The following PIP5K1B variants were observed in gnomAD, a reference collection of about 807,000 sequenced individuals.
The protein encoded by PIP5K1B is phosphatidylinositol 4-phosphate 5-kinase type-1 beta.
A neutral mutation model predicts 67.0 loss-of-function variants in PIP5K1B; 42 were observed. The observed-to-expected ratio is 0.63, with a 90% CI of 0.49 to 0.81. PIP5K1B has a LOEUF of 0.81. Among genes scored for constraint, PIP5K1B ranks in the 30% least tolerant of loss-of-function variants. The probability of loss-of-function intolerance (pLI) is 0.00; values close to 1 mark genes in which losing one functional copy is unlikely to be tolerated. For synonymous variants in PIP5K1B, 214 were observed against 231.4 expected, an observed-to-expected ratio of 0.92 and a Z score of 0.68; for missense variants, 459 against 646.3, an observed-to-expected ratio of 0.71 and a Z score of 3.14.
At chr9:68,750,594 C>T (rs1829575193) in intron 2 of PIP5K1B, among the ~76,000 whole-genome samples, 1 of 152,220 alleles carries the variant, frequency 6.6e-6, no homozygotes, top group Non-Finnish European at 1.5e-5. Flanking sequence ...GGAACGTGCT[C>T]CAACTGTGAC....
intron 2 of PIP5K1B, among the ~76,000 whole-genome samples, chr9:68,799,732 A>G (rs1487012173): frequency 1.3e-5 from 2 of 152,220 alleles, no homozygotes; most frequent in African/African-American, 4.8e-5. Flanking sequence ...CGCAAAACCA[A>G]CTCAAGATGG....
intron 6 of PIP5K1B, among the ~76,000 whole-genome samples, chr9:68,887,611 G>T (rs553680368): frequency 6.6e-6 from 1 of 152,222 alleles, no homozygotes; most frequent in Non-Finnish European, 1.5e-5. Flanking sequence ...GAAGAGATTT[G>T]CATTTTAGAA....
At chr9:68,899,094 A>C (rs987525504) in intron 8 of PIP5K1B, among the ~76,000 whole-genome samples, 2 of 152,074 alleles carry the variant, frequency 1.3e-5, no homozygotes, top group Non-Finnish European at 2.9e-5. Flanking sequence ...CTCTCCTCTG[A>C]TACAGATCCC....
At chr9:68,893,374 C>T (rs1360292925) in intron 7 of PIP5K1B, among the ~76,000 whole-genome samples, 2 of 135,518 alleles carry the variant, frequency 1.5e-5, no homozygotes, top group Middle Eastern at 5.4e-3. Flanking sequence ...CGCTCTGTCA[C>T]CCCGGCTGGA....
chr9:68,942,538 GT>G (rs929442929), intron 14 of PIP5K1B, among the ~76,000 whole-genome samples: 2 of 152,072 alleles, frequency 1.3e-5, no homozygotes, highest in African/African-American at 4.8e-5. Flanking sequence ...TATTCATAAG[GT>G]TTTCCCGGGG....
At chr9:68,723,588 G>A (rs1827995844) in intron 1 of PIP5K1B, among the ~76,000 whole-genome samples, 1 of 150,924 alleles carries the variant, frequency 6.6e-6, no homozygotes, top group African/African-American at 2.4e-5. Context: ...TCTCCCTGAT[G>A]ATTAGTGATG....
At chr9:68,972,695 A>C (rs535971814) in intron 14 of PIP5K1B, among the ~76,000 whole-genome samples, 24 of 152,314 alleles carry the variant, frequency 1.6e-4, no homozygotes, top group African/African-American at 4.8e-4. Context: ...ATATGTGCAC[A>C]TGGGTTTTTT....
In PIP5K1B at chr9:68,953,671, G is replaced by A. The variant is rs13295404; in HGVS notation, c.1502+12881G>A. Among the ~76,000 whole-genome samples the A allele has an allele frequency of 7.7e-3, 1,173 of 151,994 alleles. 8 individuals carry two copies. The highest frequency in any genetic ancestry group is 0.012 in the Non-Finnish European group (823 of 67,968). ...ATCCCTACAAAAAAAATTAAAATTA[G>A]CCAAGTGCAGTGACACACCTGTAGT... On this transcript the variant is annotated intron_variant, in intron 14 of 15. Coordinates refer to ENST00000265382, the MANE Select transcript of PIP5K1B (RefSeq NM_003558.4).
chr9:68,942,196 C>T (rs1178199518), intron 14 of PIP5K1B, among the ~76,000 whole-genome samples: 4 of 152,122 alleles, frequency 2.6e-5, no homozygotes, highest in South Asian at 2.1e-4. Flanking sequence ...AACGGCCTTT[C>T]CTGTCTGTTT....
intron 7 of PIP5K1B, among the ~76,000 whole-genome samples, chr9:68,893,333 C>CCTT (rs755209849): frequency 9.0e-6 from 1 of 110,956 alleles, no homozygotes; most frequent in Non-Finnish European, 1.7e-5. Context: ...TATTTTTTTT[C>CCTT]TTTTTTTTTT....
chr9:68,780,557 C>T, intron 2 of PIP5K1B: 1 of 1,614,164 alleles, frequency 6.2e-7, no homozygotes, highest in Non-Finnish European at 8.5e-7. Context: ...TGGAGAAATC[C>T]GCCTCCCCCA....
intron 4 of PIP5K1B, among the ~76,000 whole-genome samples, chr9:68,839,909 C>T (rs1372307621): frequency 6.6e-6 from 1 of 152,222 alleles, no homozygotes; most frequent in Non-Finnish European, 1.5e-5. Flanking sequence ...ATAAACTCAT[C>T]ACCCATTCAT....
intron 2 of PIP5K1B, among the ~76,000 whole-genome samples, chr9:68,790,937 G>A (rs935724637): frequency 7.2e-5 from 11 of 152,078 alleles, no homozygotes; most frequent in African/African-American, 2.2e-4. Context: ...ATAAATACTC[G>A]GGGAGATGTA....
intron 5 of PIP5K1B, among the ~76,000 whole-genome samples, chr9:68,871,907 GT>G (rs11389667): frequency 0.2 from 29,137 of 147,984 alleles, 3,024 homozygotes; most frequent in African/African-American, 0.27. Flanking sequence ...GTTGTCGGGT[GT>G]TTTTTTTTTT....
At chr9:68,907,071 T>G (rs76723739) in intron 8 of PIP5K1B, among the ~76,000 whole-genome samples, 2,397 of 152,368 alleles carry the variant, frequency 0.016, 62 homozygotes, top group African/African-American at 0.052. Flanking sequence ...TCCTTTTCCC[T>G]ACTAGCATCC....
chr9:68,862,418 G>A (rs2132256335), intron 4 of PIP5K1B, among the ~76,000 whole-genome samples: 1 of 152,314 alleles, frequency 6.6e-6, no homozygotes. Flanking sequence ...TGAGGATCAA[G>A]GACCGAATTC....
chr9:68,763,171 G>C (rs900930312), intron 2 of PIP5K1B, among the ~76,000 whole-genome samples: 1 of 152,108 alleles, frequency 6.6e-6, no homozygotes, highest in Non-Finnish European at 1.5e-5. Context: ...GAAATGGTGA[G>C]ACAAGAAAAA....
At chr9:68,815,596 C>T (rs994615715) in intron 2 of PIP5K1B, among the ~76,000 whole-genome samples, 1 of 151,668 alleles carries the variant, frequency 6.6e-6, no homozygotes, top group Non-Finnish European at 1.5e-5. Flanking sequence ...CTATAAATTA[C>T]CAAAATTTGA....
intron 13 of PIP5K1B, among the ~76,000 whole-genome samples, chr9:68,938,493 G>T (rs191256684): frequency 6.6e-6 from 1 of 152,062 alleles, no homozygotes; most frequent in East Asian, 1.9e-4. Context: ...ATGTGAGTCT[G>T]CACATGAGAT....
Sources: gnomAD v4.1 joint callset for allele counts (sites outside exome capture counted in the v4.1 genomes callset) on GRCh38, gnomAD v4.1.1 for gene constraint, MANE v1.5 for transcripts, NCBI Gene and HGNC (gene_info 2026-07-23, HGNC 2026-07-21) for gene names.